The following CDKAL1 variants were observed in gnomAD, a reference collection of about 807,000 sequenced individuals.
CDKAL1 encodes the protein threonylcarbamoyladenosine tRNA methylthiotransferase.
CDKAL1 carries 32 observed loss-of-function variants against 68.2 expected under a neutral mutation model. That is an observed-to-expected ratio of 0.47 (90% confidence interval 0.35 to 0.63). The LOEUF (loss-of-function observed/expected upper bound fraction) is 0.63, where lower values mean the gene tolerates loss of function less well. CDKAL1 is among the 30% of genes least tolerant of loss of function. CDKAL1 has a pLI of 0.00. For missense variants in CDKAL1, 606 were observed against 696.7 expected, an observed-to-expected ratio of 0.87 and a Z score of 1.47; for synonymous variants, 234 against 244.3, an observed-to-expected ratio of 0.96 and a Z score of 0.39.
chr6:20,537,857 A>G (rs550195393), intron 2 of CDKAL1, among the ~76,000 whole-genome samples: 3 of 147,602 alleles, frequency 2.0e-5, no homozygotes, highest in East Asian at 4.0e-4. Context: ...ATATGATTTA[A>G]TTAAAAATTT....
intron 13 of CDKAL1, among the ~76,000 whole-genome samples, chr6:21,145,287 A>C (rs1188892216): frequency 6.6e-6 from 1 of 152,222 alleles, no homozygotes; most frequent in Admixed American, 6.5e-5. Context: ...AAATGTCTTC[A>C]TTTGCTGAGC....
At chr6:20,949,049 T>C (rs1764398889) in intron 9 of CDKAL1, among the ~76,000 whole-genome samples, 1 of 152,228 alleles carries the variant, frequency 6.6e-6, no homozygotes, top group Non-Finnish European at 1.5e-5. Flanking sequence ...ATAACCAGTA[T>C]AATTACAGAT....
chr6:20,728,844 CTCTTTTT>C (rs1772774635), intron 5 of CDKAL1, among the ~76,000 whole-genome samples: 1 of 152,080 alleles, frequency 6.6e-6, no homozygotes, highest in Admixed American at 6.5e-5. Flanking sequence ...AGAATGCTTA[CTCTTTTT>C]TCTTTTCTTT....
At chr6:21,048,958 G>T (rs1193936254) in intron 11 of CDKAL1, among the ~76,000 whole-genome samples, 2 of 150,690 alleles carry the variant, frequency 1.3e-5, no homozygotes, top group Admixed American at 1.3e-4. Flanking sequence ...GAGAAAAGTT[G>T]ATTATTTCTG....
rs115297955 is a variant in CDKAL1 at position 20,935,814 on chromosome 6, C to A, written c.743-19605C>A. 9.5e-3 allele frequency among the ~76,000 whole-genome samples: 1,448 copies of A among 152,320 alleles called. 18 individuals are homozygous for A. The highest frequency in any genetic ancestry group is 0.033 in the African/African-American group (1,362 of 41,564). On this transcript the variant is annotated intron_variant, in intron 9 of 15. Transcript: ENST00000274695. ...ACAACTCCTGCGCTCAAGCGATCCT[C>A]CCCCTTTGGCCTCCCGAAGAGCTAG...
intron 8 of CDKAL1, among the ~76,000 whole-genome samples, chr6:20,803,688 C>A (rs967054530): frequency 1.3e-5 from 2 of 151,938 alleles, no homozygotes; most frequent in African/African-American, 4.8e-5. Flanking sequence ...AAGTTTGTTG[C>A]CAGTGGGAAG....
intron 13 of CDKAL1, among the ~76,000 whole-genome samples, chr6:21,144,922 C>T (rs1776093260): frequency 6.6e-6 from 1 of 152,120 alleles, no homozygotes. Flanking sequence ...AGATTTTCTG[C>T]TTGAAGTATT....
rs553756771 is a variant in CDKAL1, at chr6:20,546,230, T to C, written c.-5-116T>C. On this transcript the variant is annotated intron_variant, in intron 2 of 15. Coordinates refer to ENST00000274695, the MANE Select transcript of CDKAL1 (RefSeq NM_017774.3). Reference sequence around the variant, plus strand: ...TTTATCTCTTGTATTTTCTATAAATTTGAAGTTAGATCCAAAGGCTTGATT... The same window carrying C: ...TTTATCTCTTGTATTTTCTATAAATCTGAAGTTAGATCCAAAGGCTTGATT... The C allele has an allele frequency of 5.9e-4, 421 of 715,686 alleles. 1 individual carries two copies. The highest frequency in any genetic ancestry group is 2.1e-4 in the Non-Finnish European group (93 of 436,990). 44.3% of individuals were successfully genotyped at this position (715,686 alleles called of 1,614,324 possible). A position where few individuals can be genotyped will look rare whatever the true frequency, so the allele number is the denominator to read the frequency against.
chr6:21,101,134 ACAGAGAT>A (rs2150983270), intron 12 of CDKAL1, among the ~76,000 whole-genome samples: 1 of 152,322 alleles, frequency 6.6e-6, no homozygotes, highest in South Asian at 2.1e-4. Context: ...CAGGCATAAT[ACAGAGAT>A]TAAAATGACT....
intron 9 of CDKAL1, among the ~76,000 whole-genome samples, chr6:20,943,015 G>T: frequency 6.8e-6 from 1 of 147,644 alleles, no homozygotes. Flanking sequence ...TGCCATTTCT[G>T]GTCCAATTCT....
intron 8 of CDKAL1, among the ~76,000 whole-genome samples, chr6:20,798,028 C>T (rs184153305): frequency 7.2e-5 from 11 of 151,930 alleles, no homozygotes; most frequent in Admixed American, 5.9e-4. Flanking sequence ...GTTGCCCAGG[C>T]TGGTCTTGAA....
intron 4 of CDKAL1, among the ~76,000 whole-genome samples, chr6:20,585,939 T>C (rs1765336949): frequency 6.6e-6 from 1 of 152,126 alleles, no homozygotes; most frequent in South Asian, 2.1e-4. Context: ...CTATTTACCA[T>C]GTCCAAAACT....
intron 8 of CDKAL1, among the ~76,000 whole-genome samples, chr6:20,803,621 C>T (rs1019726622): frequency 6.6e-6 from 1 of 151,916 alleles, no homozygotes; most frequent in Non-Finnish European, 1.5e-5. Flanking sequence ...TGCAGATTGA[C>T]GTAGGTGGAA....
At chr6:20,744,497 G>A (rs766418650) in intron 6 of CDKAL1, among the ~76,000 whole-genome samples, 6 of 152,202 alleles carry the variant, frequency 3.9e-5, no homozygotes, top group Middle Eastern at 3.4e-3. Flanking sequence ...CTGAGCTTAC[G>A]TTCTGGTTCT....
At chr6:21,204,555 C>A (rs894843180) in intron 15 of CDKAL1, among the ~76,000 whole-genome samples, 1 of 152,160 alleles carries the variant, frequency 6.6e-6, no homozygotes, top group African/African-American at 2.4e-5. Flanking sequence ...ACATTTATGG[C>A]GTGCTTATCG....
intron 11 of CDKAL1, among the ~76,000 whole-genome samples, chr6:21,006,645 C>CT (rs1366202579): frequency 1.3e-5 from 2 of 152,046 alleles, no homozygotes; most frequent in Admixed American, 6.6e-5. Flanking sequence ...AACATATTTA[C>CT]TTTTTTTTCC....
intron 4 of CDKAL1, among the ~76,000 whole-genome samples, chr6:20,593,258 T>A (rs1233163901): frequency 6.6e-6 from 1 of 152,174 alleles, no homozygotes; most frequent in Non-Finnish European, 1.5e-5. Flanking sequence ...CAGCTCCTCT[T>A]TGTACCTCCA....
intron 5 of CDKAL1, among the ~76,000 whole-genome samples, chr6:20,685,520 T>C (rs767405737): frequency 2.6e-5 from 4 of 152,210 alleles, no homozygotes; most frequent in Admixed American, 1.3e-4. Context: ...CTAATCACTT[T>C]GTTGATATCC....
chr6:21,084,807 G>T (rs549672399), intron 12 of CDKAL1, among the ~76,000 whole-genome samples: 1 of 152,110 alleles, frequency 6.6e-6, no homozygotes, highest in Non-Finnish European at 1.5e-5. Context: ...CCCTGGGGCC[G>T]TTACAAAGTT....
Sources: gnomAD v4.1 joint callset for allele counts (sites outside exome capture counted in the v4.1 genomes callset) on GRCh38, gnomAD v4.1.1 for gene constraint, MANE v1.5 for transcripts, NCBI Gene and HGNC (gene_info 2026-07-23, HGNC 2026-07-21) for gene names.